FAM13C: variants seen among roughly 807,000 people sequenced by gnomAD.
FAM13C encodes family with sequence similarity 13 member C, also known as protein FAM13C.
Under a neutral mutation model 73.2 loss-of-function variants are expected in FAM13C, and 37 were observed. The ratio of observed to expected loss-of-function variants is 0.51; its 90% CI spans 0.39 to 0.67. The LOEUF (loss-of-function observed/expected upper bound fraction) is 0.67, where lower values mean the gene tolerates loss of function less well. Among genes scored for constraint, FAM13C ranks in the 30% least tolerant of loss-of-function variants. The pLI is 0.00. For synonymous variants in FAM13C, 246 were observed against 260.9 expected (o/e 0.94, Z 0.55); for missense variants, 589 against 715.6 (o/e 0.82, Z 2.02).
intron 8 of FAM13C, among the ~76,000 whole-genome samples, chr10:59,265,305 TAGGGAA>T (rs1564494408): frequency 9.3e-5 from 3 of 32,160 alleles, no homozygotes; most frequent in African/African-American, 4.8e-4. Context: ...GGCAGAGGGA[TAGGGAA>T]GGGGTTTTGG....
At chr10:59,284,660 C>T (rs1404331103) in intron 5 of FAM13C, among the ~76,000 whole-genome samples, 3 of 151,292 alleles carry the variant, frequency 2.0e-5, no homozygotes, top group African/African-American at 7.3e-5. Flanking sequence ...TACCTACCCT[C>T]ACCTCCTACT....
chr10:59,306,728 A>T (rs1848304966), intron 4 of FAM13C, among the ~76,000 whole-genome samples: 1 of 152,220 alleles, frequency 6.6e-6, no homozygotes, highest in South Asian at 2.1e-4. Flanking sequence ...TACAAAAGAT[A>T]GCCAGGTATG....
At chr10:59,343,875 T>C (rs539870926) in intron 3 of FAM13C, among the ~76,000 whole-genome samples, 1 of 152,262 alleles carries the variant, frequency 6.6e-6, no homozygotes, top group South Asian at 2.1e-4. Flanking sequence ...GCCCACCACA[T>C]GAAATATGCA....
chr10:59,320,047 G>T (rs117845600), intron 4 of FAM13C, among the ~76,000 whole-genome samples: 16 of 152,064 alleles, frequency 1.1e-4, no homozygotes, highest in Admixed American at 3.3e-4. Context: ...ATTGAAGCAG[G>T]CATTATAAAT....
Position 59,247,421 on chromosome 10 carries a change from T to C in FAM13C, c.*193A>G, listed in dbSNP as rs1025461727. 3.2e-6 allele frequency: 2 copies of C among 617,720 alleles called. No homozygotes were observed. The highest frequency in any genetic ancestry group is 5.5e-6 in the Non-Finnish European group (2 of 366,434). 38.3% of individuals were successfully genotyped at this position (617,720 alleles called of 1,614,324 possible). ...TTTTTCCCAATTATATGGCTACCTG[T>C]TGTATTCTTCCCCCCGTTTAAATCC... On this transcript the variant is annotated 3_prime_UTR_variant, in exon 14 of 14. Transcript: ENST00000618804.
intron 5 of FAM13C, among the ~76,000 whole-genome samples, chr10:59,291,102 C>T (rs1033814192): frequency 2.0e-5 from 3 of 152,174 alleles, no homozygotes; most frequent in Non-Finnish European, 2.9e-5. Context: ...GCCCACTTAG[C>T]TCTACTTGCC....
chr10:59,296,498 C>T (rs930491269), intron 5 of FAM13C, among the ~76,000 whole-genome samples: 1 of 152,246 alleles, frequency 6.6e-6, no homozygotes, highest in South Asian at 2.1e-4. Flanking sequence ...ATATTGATTT[C>T]AGGTAAATAA....
intron 6 of FAM13C, among the ~76,000 whole-genome samples, chr10:59,281,209 T>TA (rs2133671042): frequency 6.6e-6 from 1 of 152,278 alleles, no homozygotes; most frequent in East Asian, 1.9e-4. Flanking sequence ...TGAAAAAACT[T>TA]AAAGTTTTAA....
At chr10:59,354,698 G>GA (rs920716822) in intron 2 of FAM13C, among the ~76,000 whole-genome samples, 14 of 149,742 alleles carry the variant, frequency 9.3e-5, no homozygotes, top group East Asian at 1.9e-4. Context: ...ATTTGCAAAG[G>GA]AAAAAAAAAG....
At chr10:59,252,678 C>A (rs1291936930) in intron 12 of FAM13C, 121 bp downstream of exon 12, 2 of 867,644 alleles carry the variant, frequency 2.3e-6, no homozygotes, top group East Asian at 5.2e-5. Context: ...GGATAAAGGC[C>A]CTGAGAACTG....
chr10:59,353,464 G>C (rs1855334050), intron 2 of FAM13C, among the ~76,000 whole-genome samples: 1 of 152,054 alleles, frequency 6.6e-6, no homozygotes, highest in African/African-American at 2.4e-5. Flanking sequence ...CTTCCTTCAG[G>C]TGTTGTTTTT....
intron 3 of FAM13C, among the ~76,000 whole-genome samples, chr10:59,339,246 G>C (rs1165753375): frequency 6.6e-6 from 1 of 152,002 alleles, no homozygotes; most frequent in African/African-American, 2.4e-5. Flanking sequence ...AGACCCTATT[G>C]CTATTAAAGG....
At position 59,251,640 on chromosome 10, in the gene FAM13C, A is replaced by C; in HGVS notation, c.1569T>G (p.Ala523=). Residue 523 remains alanine (A), a synonymous_variant, in exon 13 of 14, where the codon GCT becomes GCG. Transcript: ENST00000618804. ...AGGCTTTCCGCAGTCTCTTCTTGTC[A>C]GCCCTAGTTTCTCGGAGATGGTCAA... ...VLLDHLRETR[A]DKKRLRKALR... The C allele has an allele frequency of 6.2e-7, 1 of 1,611,956 alleles. No homozygotes were observed.
chr10:59,330,691 C>A (rs962882832), intron 3 of FAM13C, among the ~76,000 whole-genome samples: 3 of 152,152 alleles, frequency 2.0e-5, no homozygotes, highest in Non-Finnish European at 2.9e-5. Context: ...CTCTAGGAAT[C>A]CTTGCATTTC....
Position 59,264,067 on chromosome 10 carries a change from T to C in FAM13C, c.1024+18A>G, listed in dbSNP as rs368817959. 6.2e-7 allele frequency: 1 copy of C among 1,610,058 alleles called. No homozygotes were observed. The highest frequency in any genetic ancestry group is 1.1e-5 in the South Asian group (1 of 90,988). ...CTGCTTCCTTTGTGAGGAAAAAAGA[T>C]CTTTGGCTGGGATTTACCTTTGAGC... On this transcript the variant is annotated intron_variant, in intron 9 of 13. Coordinates refer to ENST00000618804, the MANE Select transcript of FAM13C (RefSeq NM_198215.4).
intron 13 of FAM13C, 179 bp from the exon 14 acceptor site, chr10:59,247,916 C>G (rs774980089): frequency 5.0e-4 from 299 of 592,402 alleles, no homozygotes; most frequent in Non-Finnish European, 7.6e-4. Flanking sequence ...TACTAAGTTT[C>G]TAAATAATAG....
chr10:59,270,050 G>C lies in FAM13C; in HGVS notation c.652C>G (p.His218Asp). 6.2e-7 allele frequency: 1 copy of C among 1,613,810 alleles called. No individual in the cohort carries two copies. The change falls in exon 7 of 14, where the codon CAC becomes GAC. Residue 218 changes from histidine (H) to aspartate (D), a missense_variant. By Grantham distance (81) the His-to-Asp change is moderately conservative. Transcript: ENST00000618804. ...NEADSAPEDL[H>D]SVGTSRLLYH... ...AGCAGCCTGCTGGTCCCCACAGAGTGGAGGTCTTCTGGTGCACTGTCGGCC... is the reference window on the plus strand; with the variant it reads ...AGCAGCCTGCTGGTCCCCACAGAGTCGAGGTCTTCTGGTGCACTGTCGGCC...
chr10:59,324,474 A>C (rs1399896760), intron 3 of FAM13C, among the ~76,000 whole-genome samples: 1 of 152,036 alleles, frequency 6.6e-6, no homozygotes, highest in Non-Finnish European at 1.5e-5. Flanking sequence ...TTATTTATGC[A>C]AGAATAAACA....
At chr10:59,262,150 C>A (rs1564489184) in intron 10 of FAM13C, among the ~76,000 whole-genome samples, 1 of 151,854 alleles carries the variant, frequency 6.6e-6, no homozygotes, top group Non-Finnish European at 1.5e-5. Context: ...TGCTAATTTG[C>A]AGGTGGAGAG....
Sources: gnomAD v4.1 joint callset for allele counts (sites outside exome capture counted in the v4.1 genomes callset) on GRCh38, gnomAD v4.1.1 for gene constraint, MANE v1.5 for transcripts, NCBI Gene and HGNC (gene_info 2026-07-23, HGNC 2026-07-21) for gene names.